Variants in CCSER1 observed in about 807,000 individuals in gnomAD.
The protein encoded by CCSER1 is serine-rich coiled-coil domain-containing protein 1.
In CCSER1, 41 loss-of-function variants were observed where a neutral mutation model predicts 82.0. The ratio of observed to expected loss-of-function variants is 0.50; its 90% confidence interval spans 0.39 to 0.65. The LOEUF (loss-of-function observed/expected upper bound fraction) is 0.65, where lower values mean the gene tolerates loss of function less well. Among genes scored for constraint, CCSER1 ranks in the 30% least tolerant of loss-of-function variants. The pLI is 0.00. For synonymous variants in CCSER1, 414 were observed against 383.9 expected (o/e 1.08, Z -0.92); for missense variants, 1,119 against 1,064.2 (o/e 1.05, Z -0.72).
chr4:91,315,699 A>T (rs1248025716), intron 10 of CCSER1, among the ~76,000 whole-genome samples: 1 of 151,992 alleles, frequency 6.6e-6, no homozygotes, highest in African/African-American at 2.4e-5. Flanking sequence ...AAGGATAAAA[A>T]ATTCATCTAA....
intron 6 of CCSER1, among the ~76,000 whole-genome samples, chr4:90,690,965 C>A (rs1253810658): frequency 6.6e-6 from 1 of 151,984 alleles, no homozygotes; most frequent in Non-Finnish European, 1.5e-5. Context: ...TACTCAATGT[C>A]ACTTTTAACA....
chr4:91,474,765 GTGTA>G (rs1269248266), intron 10 of CCSER1, among the ~76,000 whole-genome samples: 28 of 134,816 alleles, frequency 2.1e-4, no homozygotes, highest in Admixed American at 5.6e-4. Flanking sequence ...ACACATGTGT[GTGTA>G]TATATATATA....
intron 10 of CCSER1, among the ~76,000 whole-genome samples, chr4:91,165,970 A>T (rs1334805860): frequency 6.6e-6 from 1 of 152,246 alleles, no homozygotes; most frequent in Non-Finnish European, 1.5e-5. Context: ...GAGATGAACC[A>T]GGTACCTCAG....
At chr4:90,534,900 A>G (rs150926616) in intron 5 of CCSER1, among the ~76,000 whole-genome samples, 112 of 152,322 alleles carry the variant, frequency 7.4e-4, no homozygotes, top group African/African-American at 1.6e-3. Context: ...AATGTGGTCA[A>G]TGGACCAGCA....
intron 9 of CCSER1, among the ~76,000 whole-genome samples, chr4:90,976,980 A>G (rs1448122596): frequency 6.6e-6 from 1 of 151,644 alleles, no homozygotes; most frequent in African/African-American, 2.4e-5. Context: ...TGAAGGTGAC[A>G]TGAGACACAG....
intron 5 of CCSER1, among the ~76,000 whole-genome samples, chr4:90,485,525 C>A (rs963155637): frequency 6.6e-6 from 1 of 151,114 alleles, no homozygotes; most frequent in South Asian, 2.1e-4. Context: ...TCCACCCCCC[C>A]CCCCCAATTT....
In CCSER1 at chr4:90,588,829, T is replaced by C. The variant is rs572630816; in HGVS notation, c.1725-39196T>C. On this transcript the variant is annotated intron_variant, in intron 5 of 10. Coordinates refer to ENST00000509176, the MANE Select transcript of CCSER1 (RefSeq NM_001145065.2). ...CTGCCGCTATGTAAGCCATGCCTTT[T>C]AGCTTCCACCATGATGGTGAGCTCT... is the stretch of plus-strand genomic sequence containing the variant. Among the ~76,000 whole-genome samples, 85 of 152,324 alleles carry C rather than the reference T, an allele frequency of 5.6e-4. No individual in the cohort carries two copies. The South Asian group carries it at 6.2e-3, about 11-fold the overall frequency.
intron 10 of CCSER1, among the ~76,000 whole-genome samples, chr4:91,121,441 T>C (rs1427037715): frequency 1.3e-5 from 2 of 151,716 alleles, no homozygotes; most frequent in African/African-American, 4.8e-5. Context: ...GAGGAAACTG[T>C]TCCTATTTTC....
chr4:90,957,181 C>G (rs1733540772), intron 9 of CCSER1, among the ~76,000 whole-genome samples: 1 of 140,164 alleles, frequency 7.1e-6, no homozygotes, highest in Admixed American at 7.6e-5. Context: ...CGGCTCACTG[C>G]AACCTCTGCC....
chr4:91,390,121 T>C (rs1019335772), intron 10 of CCSER1, among the ~76,000 whole-genome samples: 1 of 151,996 alleles, frequency 6.6e-6, no homozygotes, highest in East Asian at 1.9e-4. Context: ...ACTGAGAAAA[T>C]TTTGAGTTTC....
intron 5 of CCSER1, among the ~76,000 whole-genome samples, chr4:90,549,983 G>A (rs17017162): frequency 0.15 from 23,214 of 152,040 alleles, 1,901 homozygotes; most frequent in Non-Finnish European, 0.17. Flanking sequence ...TGAAAGCTGG[G>A]CAACTAAGAT....
chr4:90,481,479 T>C (rs780942066), intron 5 of CCSER1, among the ~76,000 whole-genome samples: 22 of 152,136 alleles, frequency 1.4e-4, no homozygotes, highest in Non-Finnish European at 2.6e-4. Context: ...CCAGTTTTTG[T>C]CCATTCAGTA....
intron 9 of CCSER1, among the ~76,000 whole-genome samples, chr4:91,079,847 A>G (rs2148796357): frequency 6.6e-6 from 1 of 152,348 alleles, no homozygotes; most frequent in East Asian, 1.9e-4. Context: ...TAAAGGGATC[A>G]ATTCAACAAA....
At chr4:91,513,546 CT>C (rs1330508903) in intron 10 of CCSER1, among the ~76,000 whole-genome samples, 2 of 152,142 alleles carry the variant, frequency 1.3e-5, no homozygotes, top group Non-Finnish European at 2.9e-5. Context: ...AGTAACAGCT[CT>C]TATTTGGACT....
chr4:90,553,846 G>A (rs1045278481), intron 5 of CCSER1, among the ~76,000 whole-genome samples: 4 of 152,132 alleles, frequency 2.6e-5, no homozygotes, highest in Admixed American at 1.3e-4. Flanking sequence ...ATTTTCTCAT[G>A]TGTAAAATGA....
At chr4:91,098,442 A>G (rs1249285875) in intron 10 of CCSER1, among the ~76,000 whole-genome samples, 2 of 152,236 alleles carry the variant, frequency 1.3e-5, no homozygotes, top group Non-Finnish European at 2.9e-5. Flanking sequence ...CTTTCCATTT[A>G]TAACTTAATT....
chr4:90,168,054 A>T (rs991430430), intron 1 of CCSER1, among the ~76,000 whole-genome samples: 24 of 152,092 alleles, frequency 1.6e-4, no homozygotes, highest in Non-Finnish European at 2.8e-4. Context: ...CACCACACTG[A>T]CTTCCACAAT....
At chr4:90,631,636 A>G (rs1390995068) in intron 6 of CCSER1, among the ~76,000 whole-genome samples, 1 of 152,180 alleles carries the variant, frequency 6.6e-6, no homozygotes, top group Non-Finnish European at 1.5e-5. Context: ...AAGTTTCTAG[A>G]ACTGTTTCAG....
At chr4:90,321,043 C>A (rs1247801915) in intron 3 of CCSER1, among the ~76,000 whole-genome samples, 1 of 152,020 alleles carries the variant, frequency 6.6e-6, no homozygotes. Context: ...TCACCTCAAG[C>A]ATTTATCATT....
Sources: allele counts gnomAD v4.1 joint callset (sites outside exome capture counted in the v4.1 genomes callset), GRCh38; gene constraint gnomAD v4.1.1; transcripts MANE v1.5; gene names NCBI Gene and HGNC (gene_info 2026-07-23, HGNC 2026-07-21).